Variants in ALPK3 observed in about 807,000 individuals in gnomAD.
ALPK3 encodes the protein alpha kinase 3, also known as alpha-protein kinase 3.
A neutral mutation model predicts 140.0 loss-of-function variants in ALPK3; 102 were observed. The ratio of observed to expected loss-of-function variants is 0.73; its 90% CI spans 0.62 to 0.86. The LOEUF (loss-of-function observed/expected upper bound fraction) is 0.86, where lower values mean the gene tolerates loss of function less well. ALPK3 is among the 40% of genes least tolerant of loss of function. The pLI, the probability that ALPK3 is intolerant of heterozygous loss-of-function variation, is 0.00. For synonymous variants in ALPK3, 938 were observed against 898.5 expected (o/e 1.04, Z -0.79); for missense variants, 2,254 against 2,208.2 (o/e 1.02, Z -0.42).
At chr15:84,849,235 C>T (rs1963772088) in intron 5 of ALPK3, among the ~76,000 whole-genome samples, 1 of 151,738 alleles carries the variant, frequency 6.6e-6, no homozygotes, top group Non-Finnish European at 1.5e-5. Context: ...TGTGTATGCA[C>T]CTAACAACAT....
intron 1 of ALPK3, among the ~76,000 whole-genome samples, chr15:84,820,589 T>G (rs1596144507): frequency 6.6e-6 from 1 of 152,074 alleles, no homozygotes; most frequent in Admixed American, 6.6e-5. Context: ...CAAGTGATCT[T>G]CCTGCCTCAA....
chr15:84,822,603 G>T (rs1374575676), intron 1 of ALPK3, among the ~76,000 whole-genome samples: 3 of 152,112 alleles, frequency 2.0e-5, no homozygotes, highest in African/African-American at 7.2e-5. Context: ...AGAGGGAACA[G>T]TTGGCTCATA....
intron 7 of ALPK3, 62 bp from the exon 8 acceptor site, chr15:84,859,714 C>T (rs539893355): frequency 8.1e-5 from 124 of 1,535,968 alleles, no homozygotes; most frequent in East Asian, 3.7e-4. Context: ...GGTCCAAGGA[C>T]GCTTAGGACC....
chr15:84,857,974 AG>A lies in ALPK3; in HGVS notation c.3238del (p.Asp1080ThrfsTer54), dbSNP rs1225975689. The A allele has an allele frequency of 1.2e-6, 2 of 1,607,036 alleles. No individual in the cohort carries two copies. The highest frequency in any genetic ancestry group is 3.4e-5 in the Admixed American group (2 of 58,940). ...LTVPAIVVDE[E>X]DPGLASEGAS... ...GTCCCTGCCATTGTGGTAGACGAGG[AG>A]GACCCTGGGCTGGCCTCAGAAGGAG... On this transcript the variant is annotated frameshift_variant, in exon 6 of 14. Transcript: ENST00000258888. LOFTEE classifies it high-confidence loss of function.
chr15:84,841,867 A>G (rs917065611), intron 5 of ALPK3, among the ~76,000 whole-genome samples: 3 of 152,210 alleles, frequency 2.0e-5, no homozygotes, highest in Non-Finnish European at 4.4e-5. Flanking sequence ...TTATAGTGGG[A>G]CAGAAAGAAG....
At chr15:84,861,000 T>A (rs1963938816) in intron 9 of ALPK3, among the ~76,000 whole-genome samples, 1 of 152,226 alleles carries the variant, frequency 6.6e-6, no homozygotes. Flanking sequence ...AATTAGTGAC[T>A]TTTGTTTAGT....
chr15:84,840,260 G>C lies in ALPK3; in HGVS notation c.981G>C (p.Leu327=), dbSNP rs1367346540. 1 of 1,613,836 alleles carries C rather than the reference G, an allele frequency of 6.2e-7. No individual in the cohort carries two copies. Among genetic ancestry groups the C allele is most frequent in the Non-Finnish European group, 8.5e-7 (1 of 1,180,034 alleles). ...KKKDEESKQG[L]RKPELEKAAQ... The stretch of plus-strand genomic sequence containing the variant: ...AAGATGAGGAATCCAAGCAAGGCCT[G>C]CGGAAGCCAGAGTTAGAGAAGGCAG... The change falls in exon 5 of 14, where the codon CTG becomes CTC. Residue 327 remains leucine (L), a synonymous_variant. Coordinates refer to ENST00000258888, the MANE Select transcript of ALPK3 (RefSeq NM_020778.5).
chr15:84,839,177 A>T (rs2141555799), intron 4 of ALPK3, 80 bp downstream of exon 4: 2 of 1,228,492 alleles, frequency 1.6e-6, no homozygotes, highest in East Asian at 2.6e-5. Context: ...GAAATGGAGC[A>T]GTCTGGATGG....
At chr15:84,855,306 G>A (rs150182176) in intron 5 of ALPK3, among the ~76,000 whole-genome samples, 4 of 152,166 alleles carry the variant, frequency 2.6e-5, no homozygotes, top group Admixed American at 6.5e-5. Context: ...CTCTCCTCCC[G>A]CTGAGCTGTG....
chr15:84,819,300 G>A (rs893977617), intron 1 of ALPK3, among the ~76,000 whole-genome samples: 4 of 152,234 alleles, frequency 2.6e-5, no homozygotes, highest in Non-Finnish European at 5.9e-5. Context: ...CTTTCATCAA[G>A]TATCTGGAGG....
chr15:84,859,794 G>A lies in ALPK3; in HGVS notation c.3984G>A (p.Pro1328=), dbSNP rs747599854. The A allele has an allele frequency of 2.5e-5, 41 of 1,612,752 alleles. No individual in the cohort carries two copies. Among genetic ancestry groups the A allele is most frequent in the Admixed American group, 8.3e-5 (5 of 59,942 alleles). Residue 1328 remains proline (P), a synonymous_variant, in exon 8 of 14, where the codon CCG becomes CCA. Transcript: ENST00000258888. ...TCTGCAGCGCAGGGGATGAGGGGCC[G>A]GCGGCCTTGGCCATCGTGCAGGCCT... ...EVGRSAGDEG[P]AALAIVQASP...
chr15:84,842,494 G>GAC (rs34535608), intron 5 of ALPK3, among the ~76,000 whole-genome samples: 19,074 of 152,164 alleles, frequency 0.13, 1,493 homozygotes, highest in Non-Finnish European at 0.17. Context: ...CAGGGGTAGG[G>GAC]ACAGAGGACA....
At chr15:84,859,986 C>T (rs766434276) in intron 8 of ALPK3, 51 bp from the exon 9 acceptor site, 5 of 1,613,988 alleles carry the variant, frequency 3.1e-6, no homozygotes, top group Middle Eastern at 1.7e-4. Context: ...AGAAGGCACT[C>T]TCTTGGCACA....
chr15:84,851,664 A>G (rs910705357), intron 5 of ALPK3, among the ~76,000 whole-genome samples: 2 of 152,154 alleles, frequency 1.3e-5, no homozygotes, highest in Non-Finnish European at 2.9e-5. Context: ...CAAAGGTTGC[A>G]TATTATACTT....
rs1224739376 is a variant in ALPK3 at position 84,871,642 on chromosome 15, G to A, written c.*3186G>A. The A allele has an allele frequency of 3.9e-5, 6 of 152,212 alleles. No individual in the cohort carries two copies. The highest frequency in any genetic ancestry group is 9.7e-5 in the African/African-American group (4 of 41,440). The allele number at this position is 152,212 out of a possible 1,614,324, so 9.4% of individuals were successfully genotyped here. ...AGAAACAGCGCCAGGTATGGTTGCC[G>A]GCTCCAAGCGCATGCTGCCTCCTGC... is the stretch of plus-strand genomic sequence containing the variant. On this transcript the variant is annotated 3_prime_UTR_variant, in exon 14 of 14. Coordinates refer to ENST00000258888, the MANE Select transcript of ALPK3 (RefSeq NM_020778.5).
chr15:84,854,530 G>A (rs1164101700), intron 5 of ALPK3, among the ~76,000 whole-genome samples: 2 of 152,160 alleles, frequency 1.3e-5, no homozygotes, highest in East Asian at 1.9e-4. Context: ...CAGATGATCT[G>A]CCTGCCTCGG....
chr15:84,867,449 T>G (rs1248460270), intron 13 of ALPK3, 84 bp downstream of exon 13: 13 of 1,531,064 alleles, frequency 8.5e-6, no homozygotes, highest in Non-Finnish European at 9.0e-6. Flanking sequence ...TCTCCATCCC[T>G]GAGGTGCTGG....
At position 84,839,873 on chromosome 15, in the gene ALPK3, G is replaced by C. The variant is rs1596149684; in HGVS notation, c.594G>C (p.Gln198His). Residue 198 changes from glutamine to histidine, a missense_variant, in exon 5 of 14, where the codon CAG (glutamine) becomes CAC (histidine). This residue lies in a region of ALPK3 where 2,088 missense variants were observed against 2,022.9 expected (regional missense o/e 1.03). Coordinates refer to ENST00000258888, the MANE Select transcript of ALPK3 (RefSeq NM_020778.5). ...KAAAKLREIE[Q>H]SWKHEKAVPG... ...CGGCAAAGCTGCGCGAGATCGAGCAGAGCTGGAAGCACGAGAAGGCGGTGC... is the reference window on the plus strand; with the variant it reads ...CGGCAAAGCTGCGCGAGATCGAGCACAGCTGGAAGCACGAGAAGGCGGTGC... 6.2e-7 allele frequency: 1 copy of C among 1,614,120 alleles called. No individual in the cohort carries two copies. Among genetic ancestry groups the C allele is most frequent in the Non-Finnish European group, 8.5e-7 (1 of 1,180,032 alleles).
In ALPK3 at chr15:84,858,135, A is replaced by G. The variant is rs768057366; in HGVS notation, c.3397A>G (p.Ile1133Val). The change falls in exon 6 of 14, where the codon ATA becomes GTA. Residue 1133 changes from isoleucine to valine, a missense_variant. Transcript: ENST00000258888. ...TGGACAGGGGCCCTCAGCAGAGAGC[A>G]TAGCCCAGGAGCCCTCCCAAGAGGA... is the stretch of plus-strand genomic sequence containing the variant. ...APGQGPSAESIAQEPSQEEKF... is the reference protein window; with the variant it reads ...APGQGPSAESVAQEPSQEEKF... 3 of 1,597,216 alleles carry G rather than the reference A, an allele frequency of 1.9e-6. No individual in the cohort carries two copies. Among genetic ancestry groups the G allele is most frequent in the Admixed American group, 1.8e-5 (1 of 56,734 alleles).
Sources: gnomAD v4.1 joint callset for allele counts (sites outside exome capture counted in the v4.1 genomes callset) on GRCh38, gnomAD v4.1.1 for gene constraint, gnomAD v4.1.1 regional missense constraint, MANE v1.5 for transcripts, NCBI Gene and HGNC (gene_info 2026-07-23, HGNC 2026-07-21) for gene names.